Variants in FRMD6 observed in about 807,000 individuals in gnomAD.
The protein encoded by FRMD6 is FERM domain containing 6, also known as FERM domain-containing protein 6.
FRMD6 carries 37 observed loss-of-function variants against 73.2 expected under a neutral mutation model. The ratio of observed to expected loss-of-function variants is 0.51; its 90% CI spans 0.39 to 0.66. FRMD6 has a LOEUF of 0.66. Among genes scored for constraint, FRMD6 ranks in the 30% least tolerant of loss-of-function variants. FRMD6 has a pLI of 0.00. For missense variants in FRMD6, 714 were observed against 780.5 expected (o/e 0.91, Z 1.02); for synonymous variants, 273 against 282.2 (o/e 0.97, Z 0.33).
intron 2 of FRMD6, among the ~76,000 whole-genome samples, chr14:51,642,515 G>A (rs556920599): frequency 1.3e-5 from 2 of 152,268 alleles, no homozygotes; most frequent in Admixed American, 6.5e-5. Flanking sequence ...CATCCTGGGC[G>A]ACAAGAGAGA....
intron 1 of FRMD6, among the ~76,000 whole-genome samples, chr14:51,654,307 G>GGT (rs1472916940): frequency 1.4e-5 from 2 of 140,472 alleles, no homozygotes; most frequent in Non-Finnish European, 3.1e-5. Flanking sequence ...AGCTGAATTG[G>GGT]GGGGGGGGTC....
intron 2 of FRMD6, among the ~76,000 whole-genome samples, chr14:51,633,071 T>TA (rs989810262): frequency 6.6e-6 from 1 of 152,156 alleles, no homozygotes; most frequent in African/African-American, 2.4e-5. Context: ...TTAAAATATC[T>TA]AAAAAAATAG....
chr14:51,471,967 C>T, the FRMD6 span, among the ~76,000 whole-genome samples: 1 of 152,154 alleles, frequency 6.6e-6, no homozygotes, highest in Non-Finnish European at 1.5e-5. Context: ...ACACACTGTC[C>T]ATCTCTCCAG....
the FRMD6 span, among the ~76,000 whole-genome samples, chr14:51,468,340 C>G: frequency 9.3e-5 from 14 of 149,756 alleles, no homozygotes; most frequent in Non-Finnish European, 1.3e-4. Context: ...GGGGAGGGAG[C>G]AGATTTATTC....
intron 7 of FRMD6, among the ~76,000 whole-genome samples, chr14:51,710,620 A>G (rs1896889626): frequency 6.6e-6 from 1 of 152,208 alleles, no homozygotes; most frequent in Non-Finnish European, 1.5e-5. Context: ...TTATAATGCC[A>G]GGTGAGGACA....
At chr14:51,619,758 T>C (rs1023539369) in intron 2 of FRMD6, among the ~76,000 whole-genome samples, 2 of 152,224 alleles carry the variant, frequency 1.3e-5, no homozygotes, top group African/African-American at 2.4e-5. Flanking sequence ...AGCTACTTTG[T>C]ATGCTTTTTG....
At chr14:51,433,242 T>C in the FRMD6 span, among the ~76,000 whole-genome samples, 4 of 152,192 alleles carry the variant, frequency 2.6e-5, no homozygotes, top group African/African-American at 9.7e-5. Context: ...TATACAAGAT[T>C]GTTCATTGAA....
rs376553524 is a variant in FRMD6, at chr14:51,692,228, ATT to A, written c.99+2296_99+2297del. On this transcript the variant is annotated intron_variant, in intron 2 of 13. Transcript: ENST00000344768. ...TGGATGTGTGAAGTGGTGGGCTACTATTTTGACAGCATTTGGTTTTTTAAACT... is the reference window on the plus strand; with the variant it reads ...TGGATGTGTGAAGTGGTGGGCTACTATTGACAGCATTTGGTTTTTTAAACT... 5.7e-4 allele frequency among the ~76,000 whole-genome samples: 87 copies of A among 152,288 alleles called. 2 individuals are homozygous for A. The East Asian group carries it at 0.014, about 24-fold the overall frequency.
At chr14:51,502,377 A>G (rs1192859452) in intron 1 of FRMD6, among the ~76,000 whole-genome samples, 1 of 152,140 alleles carries the variant, frequency 6.6e-6, no homozygotes, top group African/African-American at 2.4e-5. Context: ...GTTTTTGTAT[A>G]TGGTGTAAGG....
the FRMD6 span, among the ~76,000 whole-genome samples, chr14:51,472,390 AC>A: frequency 6.6e-6 from 1 of 151,700 alleles, no homozygotes; most frequent in African/African-American, 2.4e-5. Context: ...TGCAAGCTCC[AC>A]CTCCCAGGTT....
At chr14:51,473,632 T>A in the FRMD6 span, among the ~76,000 whole-genome samples, 1 of 152,220 alleles carries the variant, frequency 6.6e-6, no homozygotes, top group Non-Finnish European at 1.5e-5. Flanking sequence ...ATTCTGGACC[T>A]GTGCCCCAGG....
At chr14:51,658,387 TAGG>T (rs1467282094) in intron 1 of FRMD6, among the ~76,000 whole-genome samples, 1 of 152,124 alleles carries the variant, frequency 6.6e-6, no homozygotes, top group Non-Finnish European at 1.5e-5. Flanking sequence ...AAGTATCAAG[TAGG>T]AGATCTCTTG....
chr14:51,582,116 T>C (rs1056509678), intron 2 of FRMD6, among the ~76,000 whole-genome samples: 15 of 152,242 alleles, frequency 9.9e-5, no homozygotes, highest in African/African-American at 3.6e-4. Flanking sequence ...ACGTCATACA[T>C]ACTGACTAAA....
intron 2 of FRMD6, among the ~76,000 whole-genome samples, chr14:51,697,425 C>G (rs916364468): frequency 2.6e-5 from 4 of 151,914 alleles, no homozygotes; most frequent in Admixed American, 2.6e-4. Context: ...AAAGACAAAC[C>G]CTGCATAATC....
intron 2 of FRMD6, among the ~76,000 whole-genome samples, chr14:51,696,403 C>G (rs1895944431): frequency 6.6e-6 from 1 of 150,484 alleles, no homozygotes; most frequent in South Asian, 2.1e-4. Flanking sequence ...AATAATAATA[C>G]AAATATTATT....
intron 4 of FRMD6, among the ~76,000 whole-genome samples, chr14:51,701,369 G>T: frequency 7.1e-6 from 1 of 140,420 alleles, no homozygotes; most frequent in African/African-American, 2.6e-5. Context: ...TTCTATATAT[G>T]CTGAGTATAT....
At chr14:51,517,569 T>G (rs1363005601) in intron 1 of FRMD6, among the ~76,000 whole-genome samples, 3 of 152,208 alleles carry the variant, frequency 2.0e-5, no homozygotes, top group Admixed American at 6.5e-5. Context: ...GAATAGAGTC[T>G]CAAGTTCTGT....
At chr14:51,595,595 G>T (rs1566492104) in intron 2 of FRMD6, among the ~76,000 whole-genome samples, 1 of 152,190 alleles carries the variant, frequency 6.6e-6, no homozygotes, top group Non-Finnish European at 1.5e-5. Context: ...CTGACAGCAT[G>T]AAATCCAGCC....
intron 1 of FRMD6, among the ~76,000 whole-genome samples, chr14:51,538,878 T>A (rs1339004428): frequency 2.0e-5 from 3 of 152,222 alleles, no homozygotes. Context: ...TTTAGGATTA[T>A]CTTGTCTATT....
Sources: allele counts gnomAD v4.1 joint callset (sites outside exome capture counted in the v4.1 genomes callset), GRCh38; gene constraint gnomAD v4.1.1; transcripts MANE v1.5; gene names NCBI Gene and HGNC (gene_info 2026-07-23, HGNC 2026-07-21).